CENPP: variants seen among roughly 807,000 people sequenced by gnomAD.
CENPP encodes centromere protein P.
CENPP carries 24 observed loss-of-function variants against 35.6 expected under a neutral mutation model. The observed-to-expected ratio is 0.67, with a 90% CI of 0.49 to 0.95. The LOEUF (loss-of-function observed/expected upper bound fraction) is 0.95. Ranked by LOEUF, CENPP falls within the 40% of genes least tolerant of loss-of-function variation. The probability of loss-of-function intolerance (pLI) is 0.00; values close to 1 mark genes in which losing one functional copy is unlikely to be tolerated. For missense variants in CENPP, 332 were observed against 345.3 expected (o/e 0.96, Z 0.31); for synonymous variants, 120 against 125.5 (o/e 0.96, Z 0.29).
intron 5 of CENPP, chr9:92,514,840 C>T (rs1847590063): frequency 6.2e-7 from 1 of 1,611,510 alleles, no homozygotes; most frequent in Non-Finnish European, 8.5e-7. Context: ...ATCCTCCTCA[C>T]CCTCCTCACC....
At chr9:92,523,449 T>A (rs331372) in intron 5 of CENPP, among the ~76,000 whole-genome samples, 137 of 152,250 alleles carry the variant, frequency 9.0e-4, no homozygotes, top group Middle Eastern at 3.4e-3. Context: ...CCCAAAGCCC[T>A]GTGGCAACAA....
chr9:92,352,467 CTGTGTGTGTGTGTGTG>C lies in CENPP; in HGVS notation c.467+6704_467+6719del, dbSNP rs61233585. 2.4e-3 allele frequency among the ~76,000 whole-genome samples: 170 copies of C among 71,342 alleles called. 4 individuals are homozygous for C. Among genetic ancestry groups the C allele is most frequent in the South Asian group, 9.4e-3 (22 of 2,340 alleles). The allele number at this position is 71,342 out of a possible 152,430, so 46.8% of individuals were successfully genotyped here. A position where few individuals can be genotyped will look rare whatever the true frequency, so the allele number is the denominator to read the frequency against. On this transcript the variant is annotated intron_variant, in intron 4 of 7. Transcript: ENST00000375587. The stretch of plus-strand genomic sequence containing the variant: ...TTCTCTCAAGCCTGTTGCTTAAAGC[CTGTGTGTGTGTGTGTG>C]TGTGTGTGTGTGTGTGTGTGTGTAT...
intron 4 of CENPP, among the ~76,000 whole-genome samples, chr9:92,362,141 C>A (rs74473181): frequency 0.11 from 17,417 of 152,104 alleles, 1,054 homozygotes; most frequent in Middle Eastern, 0.15. Flanking sequence ...TGCCATGTTT[C>A]ACTTTGTCAT....
intron 5 of CENPP, among the ~76,000 whole-genome samples, chr9:92,598,003 A>G (rs1217716442): frequency 1.3e-5 from 2 of 152,224 alleles, no homozygotes; most frequent in Non-Finnish European, 2.9e-5. Flanking sequence ...TCATATTTGT[A>G]ACTTTTATTC....
At chr9:92,496,110 A>AT in intron 5 of CENPP, 1 of 1,200,708 alleles carries the variant, frequency 8.3e-7, no homozygotes. Context: ...AAACTGAGAG[A>AT]TTTTACCTTT....
At chr9:92,342,235 G>A (rs996456589) in intron 3 of CENPP, among the ~76,000 whole-genome samples, 1 of 152,252 alleles carries the variant, frequency 6.6e-6, no homozygotes, top group Non-Finnish European at 1.5e-5. Flanking sequence ...TTCATGCAAA[G>A]GATGCTGGGA....
At chr9:92,412,437 C>G (rs1482854784) in intron 5 of CENPP, among the ~76,000 whole-genome samples, 4 of 152,162 alleles carry the variant, frequency 2.6e-5, no homozygotes, top group Non-Finnish European at 4.4e-5. Context: ...GTACAACCAT[C>G]ACCACAGTCA....
rs1450490257 is a variant in CENPP at position 92,404,405 on chromosome 9, G to T, written c.564+24546G>T. On this transcript the variant is annotated intron_variant, in intron 5 of 7. Coordinates refer to ENST00000375587, the MANE Select transcript of CENPP (RefSeq NM_001012267.3). ...ATTGAGGTAACTGAAACTTAAACCA[G>T]AGATGGCCTTTACATTTATTAAGAC... The T allele has an allele frequency of 5.1e-5, 40 of 791,986 alleles. 1 individual carries two copies. Among genetic ancestry groups the T allele is most frequent in the Non-Finnish European group, 6.8e-5 (39 of 574,626 alleles). 49.1% of individuals were successfully genotyped at this position (791,986 alleles called of 1,614,324 possible).
chr9:92,438,675 G>C (rs1207464979), intron 5 of CENPP, among the ~76,000 whole-genome samples: 1 of 152,188 alleles, frequency 6.6e-6, no homozygotes, highest in African/African-American at 2.4e-5. Context: ...ATTTTTGACT[G>C]GGTGTGGTGG....
chr9:92,420,037 A>C (rs1843738029), intron 5 of CENPP, among the ~76,000 whole-genome samples: 1 of 152,182 alleles, frequency 6.6e-6, no homozygotes, highest in Middle Eastern at 3.2e-3. Context: ...ATTCAGGTAG[A>C]GTCAGAGACC....
At chr9:92,596,541 T>C (rs752581435) in intron 5 of CENPP, among the ~76,000 whole-genome samples, 5 of 151,610 alleles carry the variant, frequency 3.3e-5, no homozygotes, top group Non-Finnish European at 5.9e-5. Context: ...TGGTATTTGA[T>C]TAAAACGAGA....
chr9:92,592,141 T>C (rs1850679670), intron 5 of CENPP, among the ~76,000 whole-genome samples: 1 of 152,170 alleles, frequency 6.6e-6, no homozygotes, highest in Admixed American at 6.5e-5. Flanking sequence ...ATATACATTA[T>C]ATAAATGTAT....
intron 1 of CENPP, 138 bp downstream of exon 1, chr9:92,326,243 C>G (rs1207751285): frequency 3.2e-6 from 2 of 630,186 alleles, no homozygotes; most frequent in East Asian, 6.0e-5. Context: ...CCTGTCATGA[C>G]GATGGCCTAG....
intron 4 of CENPP, among the ~76,000 whole-genome samples, chr9:92,356,030 CAG>C (rs1000337180): frequency 5.9e-5 from 9 of 152,224 alleles, no homozygotes; most frequent in East Asian, 1.9e-4. Flanking sequence ...TATATAAACA[CAG>C]GGGTTAGTCA....
intron 4 of CENPP, among the ~76,000 whole-genome samples, chr9:92,363,232 T>C (rs542497902): frequency 1.2e-4 from 5 of 40,424 alleles, no homozygotes; most frequent in African/African-American, 5.8e-4. Flanking sequence ...TTTATACATA[T>C]ATACACACAC....
intron 5 of CENPP, among the ~76,000 whole-genome samples, chr9:92,596,839 T>C (rs1850797115): frequency 6.6e-6 from 1 of 152,040 alleles, no homozygotes; most frequent in South Asian, 2.1e-4. Flanking sequence ...GTATTTTTAA[T>C]AAAAAATGAG....
intron 4 of CENPP, among the ~76,000 whole-genome samples, chr9:92,377,697 A>C (rs1039962722): frequency 2.0e-5 from 3 of 152,118 alleles, no homozygotes; most frequent in Non-Finnish European, 4.4e-5. Context: ...TATTTTGCCA[A>C]AATTTTTTTG....
At chr9:92,484,671 A>C (rs756816285) in intron 5 of CENPP, among the ~76,000 whole-genome samples, 5 of 152,126 alleles carry the variant, frequency 3.3e-5, no homozygotes, top group East Asian at 1.9e-4. Context: ...CTGGTTTTGC[A>C]TGGCAACTGT....
intron 5 of CENPP, among the ~76,000 whole-genome samples, chr9:92,478,843 T>C (rs1845808000): frequency 6.6e-6 from 1 of 151,478 alleles, no homozygotes; most frequent in African/African-American, 2.4e-5. Context: ...TAACAGATAA[T>C]ATATCCAAAA....
Sources: gnomAD v4.1 joint callset for allele counts (sites outside exome capture counted in the v4.1 genomes callset) on GRCh38, gnomAD v4.1.1 for gene constraint, MANE v1.5 for transcripts, NCBI Gene and HGNC (gene_info 2026-07-23, HGNC 2026-07-21) for gene names.